ABCA10: variants seen among roughly 807,000 people sequenced by gnomAD.
ABCA10 encodes the protein ATP binding cassette subfamily A member 10.
A neutral mutation model predicts 187.5 loss-of-function variants in ABCA10; 169 were observed. That is an observed-to-expected ratio of 0.90 (90% CI 0.80 to 1.02). The LOEUF is 1.02. Ranked by LOEUF, ABCA10 falls within the 50% of genes least tolerant of loss-of-function variation. ABCA10 has a pLI of 0.00. For missense variants in ABCA10, 1,727 were observed against 1,812.4 expected (o/e 0.95, Z 0.86); for synonymous variants, 574 against 601.8 (o/e 0.95, Z 0.68).
intron 9 of ABCA10, among the ~76,000 whole-genome samples, chr17:69,202,598 C>T (rs1157528513): frequency 6.6e-6 from 1 of 151,938 alleles, no homozygotes; most frequent in Non-Finnish European, 1.5e-5. Flanking sequence ...TTGTTTCTGC[C>T]ACAAGTCTTC....
In ABCA10 at chr17:69,216,343, CA is replaced by C. The variant is rs779571260; in HGVS notation, c.545del (p.Leu182Ter). 8.1e-6 allele frequency: 13 copies of C among 1,612,208 alleles called. No individual in the cohort carries two copies. In the South Asian group the frequency reaches 1.1e-4, roughly 14 times the overall value. ...TAATGAAGATGAAGCAAATGTATGT[CA>C]ATCCCCAGGAGAGCCTATAGTAGAA... ...RESAFWLSWG[L>X]TYICFIFIMS... is the part of the protein sequence containing the mutation. On this transcript the variant is annotated frameshift_variant, in exon 7 of 39. Transcript: ENST00000690296. LOFTEE classifies it high-confidence loss of function.
intron 8 of ABCA10, 75 bp downstream of exon 8, chr17:69,215,740 T>A (rs545099989): frequency 7.9e-7 from 1 of 1,273,534 alleles, no homozygotes; most frequent in Admixed American, 3.4e-5. Context: ...TTAAATTTCA[T>A]GAGGCACCAA....
At chr17:69,187,076 T>C (rs1354561073) in intron 19 of ABCA10, among the ~76,000 whole-genome samples, 1 of 152,082 alleles carries the variant, frequency 6.6e-6, no homozygotes, top group Non-Finnish European at 1.5e-5. Flanking sequence ...ATTATTGAGT[T>C]TGTAGGGTGT....
chr17:69,182,603 T>G (rs2074388652), intron 21 of ABCA10, 72 bp downstream of exon 21: 1 of 1,435,466 alleles, frequency 7.0e-7, no homozygotes, highest in South Asian at 1.8e-5. Context: ...TTTCCTATAG[T>G]TCTAAGTATT....
intron 2 of ABCA10, among the ~76,000 whole-genome samples, chr17:69,226,661 A>G (rs1041878334): frequency 2.6e-5 from 4 of 152,008 alleles, no homozygotes; most frequent in African/African-American, 9.7e-5. Flanking sequence ...GATTCCAAAA[A>G]AGTTTGCAGA....
Position 69,175,448 on chromosome 17 carries a change from G to T in ABCA10, c.2835C>A (p.Cys945Ter), listed in dbSNP as rs771386672. The change falls in exon 23 of 39, where the codon TGC becomes TGA. Residue 945 changes from cysteine to a stop codon, truncating the protein, a stop_gained. Transcript: ENST00000690296. LOFTEE classifies it high-confidence loss of function. The part of the protein sequence containing the change: ...GSIFLLLITN[C>*]VSPFIGMSSI... ...TGCTCATGCCGATAAAAGGAGAAACGCAGTTTGTGATCAACAACAAAAATA... is the reference window on the plus strand; with the variant it reads ...TGCTCATGCCGATAAAAGGAGAAACTCAGTTTGTGATCAACAACAAAAATA... 7 of 1,611,728 alleles carry T rather than the reference G, an allele frequency of 4.3e-6. No homozygotes were observed. The East Asian group carries it at 1.3e-4, about 31-fold the overall frequency.
chr17:69,174,928 T>C, intron 23 of ABCA10, 151 bp from the exon 24 acceptor site: 1 of 613,356 alleles, frequency 1.6e-6, no homozygotes, highest in East Asian at 3.1e-5. Context: ...GCATCTCCAA[T>C]GGAAATGTGT....
rs762295190 is a variant in ABCA10 at position 69,216,014 on chromosome 17, G to A, written c.673-14C>T. The A allele has an allele frequency of 1.6e-5, 26 of 1,605,772 alleles. No individual in the cohort carries two copies. Among genetic ancestry groups the A allele is most frequent in the Non-Finnish European group, 2.2e-5 (26 of 1,177,832 alleles). ...AGCCAATGCTATCTGAAGGAAGAAA[G>A]AGGTCTGATTGGTATATTTTTCCTT... On this transcript the variant is annotated splice_polypyrimidine_tract_variant and intron_variant, in intron 7 of 38. Coordinates refer to ENST00000690296, the MANE Select transcript of ABCA10 (RefSeq NM_001377321.1).
chr17:69,183,212 G>A (rs1017367281), intron 20 of ABCA10, among the ~76,000 whole-genome samples: 1 of 152,144 alleles, frequency 6.6e-6, no homozygotes, highest in East Asian at 1.9e-4. Flanking sequence ...TTGTTCTAGT[G>A]ATCCTGTCAA....
At chr17:69,160,948 G>T (rs1490229268) in intron 27 of ABCA10, among the ~76,000 whole-genome samples, 1 of 152,204 alleles carries the variant, frequency 6.6e-6, no homozygotes, top group Non-Finnish European at 1.5e-5. Context: ...CTTGAAGAGA[G>T]ATTAACACAC....
chr17:69,208,045 T>C (rs1184922893), intron 9 of ABCA10, among the ~76,000 whole-genome samples: 1 of 152,220 alleles, frequency 6.6e-6, no homozygotes, highest in Non-Finnish European at 1.5e-5. Flanking sequence ...ATCAAGTTTT[T>C]GGCAATTAAA....
Position 69,219,761 on chromosome 17 carries a change from T to A in ABCA10, c.314A>T (p.Asn105Ile). The change falls in exon 6 of 39, where the codon AAT becomes ATT. Residue 105 changes from asparagine (N) to isoleucine (I), a missense_variant. Transcript: ENST00000690296. ...INAAIIEVTT[N>I]HSVMEELTSV... Reference sequence around the variant, plus strand: ...TGTCAACTCCTCCATTACAGAATGATTTGTTGTGACCTAAATTGGGACATT... The same window carrying A: ...TGTCAACTCCTCCATTACAGAATGAATTGTTGTGACCTAAATTGGGACATT... 1 of 1,583,086 alleles carries A rather than the reference T, an allele frequency of 6.3e-7. No individual in the cohort carries two copies.
Position 69,221,791 on chromosome 17 carries a change from CT to C in ABCA10, c.303del (p.Val102SerfsTer7), listed in dbSNP as rs1392824761. On this transcript the variant is annotated frameshift_variant and splice_region_variant, in exon 5 of 39. Coordinates refer to ENST00000690296, the MANE Select transcript of ABCA10 (RefSeq NM_001377321.1). LOFTEE classifies it high-confidence loss of function. ...FQAAINAAII[E>X]VTTNHSVMEE... is the part of the protein sequence containing the mutation. ...ATATAGCTTTGAAGTTAGGCACTTA[CT>C]TCTATAATTGCAGCATTAATTGCAG... The C allele has an allele frequency of 1.2e-6, 2 of 1,605,568 alleles. No individual in the cohort carries two copies. The highest frequency in any genetic ancestry group is 3.4e-5 in the Admixed American group (2 of 58,448).
chr17:69,154,063 T>G (rs2074153253), intron 31 of ABCA10, 54 bp from the exon 32 acceptor site: 1 of 1,584,076 alleles, frequency 6.3e-7, no homozygotes. Context: ...CCAATCCCCC[T>G]TCTACTAAAG....
In ABCA10 at chr17:69,187,705, C is replaced by T. The variant is rs200308550; in HGVS notation, c.2306G>A (p.Arg769His). ...CAAACACAAAAGAGCTCTCCTTTCACGCCTTAACTTTAAGAAGCGAAGTGT... is the reference window on the plus strand; with the variant it reads ...CAAACACAAAAGAGCTCTCCTTTCATGCCTTAACTTTAAGAAGCGAAGTGT... ...VATLRFLKLR[R>H]ERRALLCLLL... Residue 769 changes from arginine to histidine, a missense_variant, in exon 19 of 39, where the codon CGT (arginine) becomes CAT (histidine). Coordinates refer to ENST00000690296, the MANE Select transcript of ABCA10 (RefSeq NM_001377321.1). 7.6e-5 allele frequency: 122 copies of T among 1,613,730 alleles called. No homozygotes were observed. In the East Asian group the frequency reaches 2.5e-3, roughly 32 times the overall value.
In ABCA10 at chr17:69,211,275, C is replaced by CTATGGTATATATA. The variant is rs1270518530; in HGVS notation, c.1006+3416_1006+3428dup. ...TCCTTTTTAATGGCTGAGTAGTATC[C>CTATGGTATATATA]TATGGTATATATATATCATATATAT... On this transcript the variant is annotated intron_variant, in intron 9 of 38. Coordinates refer to ENST00000690296, the MANE Select transcript of ABCA10 (RefSeq NM_001377321.1). 3.1e-5 allele frequency among the ~76,000 whole-genome samples: 4 copies of CTATGGTATATATA among 127,384 alleles called. No homozygotes were observed. The East Asian group carries it at 6.8e-4, about 22-fold the overall frequency. 83.6% of individuals were successfully genotyped at this position (127,384 alleles called of 152,430 possible).
chr17:69,148,708 A>C lies in ABCA10; in HGVS notation c.*119T>G. On this transcript the variant is annotated 3_prime_UTR_variant, in exon 39 of 39. Coordinates refer to ENST00000690296, the MANE Select transcript of ABCA10 (RefSeq NM_001377321.1). ...TTTAAAAATGAAAACTGTAATCATT[A>C]TTGAATGTTTATTAAATGTTTTCTT... 1.2e-6 allele frequency: 1 copy of C among 860,032 alleles called. No homozygotes were observed. Among genetic ancestry groups the C allele is most frequent in the Non-Finnish European group, 1.8e-6 (1 of 566,438 alleles). 53.3% of individuals were successfully genotyped at this position (860,032 alleles called of 1,614,324 possible).
Position 69,225,395 on chromosome 17 carries a change from C to A in ABCA10, c.-37G>T. 6.2e-7 allele frequency: 1 copy of A among 1,608,740 alleles called. No individual in the cohort carries two copies. The highest frequency in any genetic ancestry group is 8.5e-7 in the Non-Finnish European group (1 of 1,176,134). The stretch of plus-strand genomic sequence containing the variant: ...TTATGTTACTGACTGGTGTATATGC[C>A]ACTACCAGGCCAGAGTCATTAAACT... On this transcript the variant is annotated 5_prime_UTR_variant, in exon 3 of 39. Transcript: ENST00000690296.
intron 6 of ABCA10, among the ~76,000 whole-genome samples, chr17:69,218,925 G>A (rs924598537): frequency 1.3e-5 from 2 of 152,164 alleles, no homozygotes; most frequent in South Asian, 2.1e-4. Flanking sequence ...AATTTCCCAT[G>A]TCACTAAATG....
Sources: allele counts gnomAD v4.1 joint callset (sites outside exome capture counted in the v4.1 genomes callset), GRCh38; gene constraint gnomAD v4.1.1; transcripts MANE v1.5; gene names NCBI Gene and HGNC (gene_info 2026-07-23, HGNC 2026-07-21).